Variants in BCAS3 observed in about 807,000 individuals in gnomAD.
BCAS3 encodes BCAS3 microtubule associated cell migration factor.
In BCAS3, 53 loss-of-function variants were observed where a neutral mutation model predicts 116.1. The observed-to-expected ratio is 0.46, with a 90% CI of 0.37 to 0.57. The LOEUF (loss-of-function observed/expected upper bound fraction) is 0.57, where lower values mean the gene tolerates loss of function less well. Ranked by LOEUF, BCAS3 falls within the 20% of genes least tolerant of loss-of-function variation. The pLI, the probability that BCAS3 is intolerant of heterozygous loss-of-function variation, is 0.00. For missense variants in BCAS3, 917 were observed against 1,165.4 expected, an observed-to-expected ratio of 0.79 and a Z score of 3.10; for synonymous variants, 391 against 408.2, an observed-to-expected ratio of 0.96 and a Z score of 0.51.
intron 22 of BCAS3, among the ~76,000 whole-genome samples, chr17:61,099,696 G>A (rs1301088513): frequency 6.6e-6 from 1 of 152,204 alleles, no homozygotes; most frequent in African/African-American, 2.4e-5. Context: ...TCTTTATAAA[G>A]CATTAACTCT....
At chr17:60,944,470 C>T (rs1357173251) in intron 13 of BCAS3, among the ~76,000 whole-genome samples, 2 of 152,050 alleles carry the variant, frequency 1.3e-5, no homozygotes, top group African/African-American at 4.8e-5. Flanking sequence ...AGCAATCCTA[C>T]ATCTTTTTTT....
chr17:61,143,250 CTG>C (rs1322498418), intron 22 of BCAS3, among the ~76,000 whole-genome samples: 1 of 152,180 alleles, frequency 6.6e-6, no homozygotes, highest in African/African-American at 2.4e-5. Context: ...TTCAGCCAGA[CTG>C]TTATTTTAGC....
intron 22 of BCAS3, among the ~76,000 whole-genome samples, chr17:61,273,003 T>A (rs1448077977): frequency 6.6e-6 from 1 of 151,940 alleles, no homozygotes; most frequent in Non-Finnish European, 1.5e-5. Flanking sequence ...AGATCTGAGT[T>A]TCAATTTTCC....
At chr17:60,760,601 T>C (rs752027033) in intron 6 of BCAS3, among the ~76,000 whole-genome samples, 2 of 151,314 alleles carry the variant, frequency 1.3e-5, no homozygotes, top group Non-Finnish European at 2.9e-5. Context: ...GGGAGCTCCT[T>C]TATAGGTGAC....
chr17:61,190,913 CTT>C (rs2080072219), intron 22 of BCAS3, among the ~76,000 whole-genome samples: 1 of 151,622 alleles, frequency 6.6e-6, no homozygotes, highest in South Asian at 2.1e-4. Context: ...TACAAAAAAA[CTT>C]TATTAAGTAG....
intron 5 of BCAS3, among the ~76,000 whole-genome samples, chr17:60,741,314 T>A (rs1054790626): frequency 6.6e-6 from 1 of 152,244 alleles, no homozygotes; most frequent in East Asian, 1.9e-4. Context: ...GTCTGAATGT[T>A]CACAAATCAG....
At chr17:61,335,099 G>C (rs971784580) in intron 22 of BCAS3, among the ~76,000 whole-genome samples, 1 of 152,224 alleles carries the variant, frequency 6.6e-6, no homozygotes, top group Non-Finnish European at 1.5e-5. Context: ...TTTCAGCCTG[G>C]TGTCATTTTC....
At chr17:61,170,832 G>A (rs918028885) in intron 22 of BCAS3, among the ~76,000 whole-genome samples, 2 of 152,116 alleles carry the variant, frequency 1.3e-5, no homozygotes, top group African/African-American at 2.4e-5. Flanking sequence ...AGAGGAAAGA[G>A]CTGTACACGG....
In BCAS3 at chr17:61,051,023, C is replaced by G. The variant is rs1225177979; in HGVS notation, c.2029+10131C>G. ...GGAAACTAACACACTTTTAAATAGTCCATGGTTCACAGAAGAAATCTAAAG... is the reference window on the plus strand; with the variant it reads ...GGAAACTAACACACTTTTAAATAGTGCATGGTTCACAGAAGAAATCTAAAG... On this transcript the variant is annotated intron_variant, in intron 19 of 23. Transcript: ENST00000407086. The surrounding 1 kb of genome is among the most constrained non-coding windows in gnomAD (Gnocchi z 4.1). Among the ~76,000 whole-genome samples the G allele has an allele frequency of 2.6e-5, 4 of 151,958 alleles. No homozygotes were observed. Among genetic ancestry groups the G allele is most frequent in the African/African-American group, 7.2e-5 (3 of 41,390 alleles).
Position 60,990,163 on chromosome 17 carries a change from A to T in BCAS3, c.1414A>T (p.Thr472Ser). ...ACTGGAAGAGATTGAACAAGAACTG[A>T]CGTCTAAGCAAGGAGGTCGCTGTAG... ...AGLEEIEQEL[T>S]SKQGGRCSPV... Residue 472 changes from threonine (T) to serine (S), a missense_variant, in exon 15 of 24, where the codon ACG (threonine) becomes TCG (serine). This residue lies in a region of BCAS3 where 807 missense variants were observed against 1,026.0 expected (regional missense o/e 0.79). Transcript: ENST00000407086. The surrounding 1 kb of genome is among the most constrained non-coding windows in gnomAD (Gnocchi z 5.1). The T allele has an allele frequency of 6.2e-7, 1 of 1,614,178 alleles. No individual in the cohort carries two copies. Among genetic ancestry groups the T allele is most frequent in the Non-Finnish European group, 8.5e-7 (1 of 1,180,018 alleles).
At position 61,139,320 on chromosome 17, in the gene BCAS3, G is replaced by A. The variant is rs1378742742; in HGVS notation, c.2425+54756G>A. On this transcript the variant is annotated intron_variant, in intron 22 of 23. Transcript: ENST00000407086. The surrounding 1 kb of genome is among the most constrained non-coding windows in gnomAD (Gnocchi z 4.7). ...CTGATTTGCTTCTTTAAGGAAGTGC[G>A]AGAAGGTTAAAGATGTCTGTGATCT... 2.6e-5 allele frequency among the ~76,000 whole-genome samples: 4 copies of A among 152,098 alleles called. No homozygotes were observed. The highest frequency in any genetic ancestry group is 4.8e-5 in the African/African-American group (2 of 41,414).
chr17:61,116,012 A>G (rs1051094867), intron 22 of BCAS3, among the ~76,000 whole-genome samples: 6 of 147,178 alleles, frequency 4.1e-5, no homozygotes, highest in African/African-American at 7.5e-5. Context: ...AACACCGCAT[A>G]TTCTCACTCA....
chr17:60,839,519 A>C (rs2051697819), intron 7 of BCAS3, among the ~76,000 whole-genome samples: 1 of 150,196 alleles, frequency 6.7e-6, no homozygotes, highest in Non-Finnish European at 1.5e-5. Flanking sequence ...GTTTATTGAG[A>C]ACTCTGCAGA....
intron 7 of BCAS3, among the ~76,000 whole-genome samples, chr17:60,815,849 C>T (rs2049336115): frequency 6.6e-6 from 1 of 152,110 alleles, no homozygotes; most frequent in African/African-American, 2.4e-5. Flanking sequence ...TTATCTTGCC[C>T]ATCTTTATTT....
Position 60,942,865 on chromosome 17 carries a change from A to G in BCAS3, c.1088-4354A>G, listed in dbSNP as rs2060297256. Among the ~76,000 whole-genome samples the G allele has an allele frequency of 2.6e-5, 4 of 152,182 alleles. 1 individual carries two copies. The South Asian group carries it at 8.3e-4, about 32-fold the overall frequency. On this transcript the variant is annotated intron_variant, in intron 13 of 23. Transcript: ENST00000407086. ...CTTCTGGGAATAGCAAGGTAAACGT[A>G]GAAACCATCCTTCCCATAGAAAACA...
chr17:61,193,620 C>T (rs1174366285), intron 22 of BCAS3, among the ~76,000 whole-genome samples: 2 of 150,604 alleles, frequency 1.3e-5, no homozygotes, highest in South Asian at 4.2e-4. Flanking sequence ...AGCTGGGTGT[C>T]GTGGCGCATG....
chr17:61,329,753 G>A (rs2056098763), intron 22 of BCAS3, among the ~76,000 whole-genome samples: 1 of 151,710 alleles, frequency 6.6e-6, no homozygotes, highest in Non-Finnish European at 1.5e-5. Context: ...GGGTGAGGAG[G>A]AGGAAAAGGG....
At chr17:60,929,257 TA>T (rs1448369348) in intron 13 of BCAS3, among the ~76,000 whole-genome samples, 1 of 151,934 alleles carries the variant, frequency 6.6e-6, no homozygotes, top group Non-Finnish European at 1.5e-5. Flanking sequence ...ATCCTGTATC[TA>T]AAAAAAATTT....
At chr17:61,110,595 C>A (rs2075005766) in intron 22 of BCAS3, among the ~76,000 whole-genome samples, 1 of 152,208 alleles carries the variant, frequency 6.6e-6, no homozygotes, top group Admixed American at 6.5e-5. Context: ...GGGTCCTACG[C>A]CCACGGAGTC....
Sources: allele counts gnomAD v4.1 joint callset (sites outside exome capture counted in the v4.1 genomes callset), GRCh38; gene constraint gnomAD v4.1.1; regional missense constraint gnomAD v4.1.1; non-coding constraint Gnocchi (gnomAD v3.1); transcripts MANE v1.5; gene names NCBI Gene and HGNC (gene_info 2026-07-23, HGNC 2026-07-21).